Variants in CPNE5 observed in about 807,000 individuals in gnomAD.
CPNE5 encodes copine 5.
CPNE5 carries 42 observed loss-of-function variants against 81.1 expected under a neutral mutation model. That is an observed-to-expected ratio of 0.52 (90% CI 0.40 to 0.67). CPNE5 has a LOEUF of 0.67. Among genes scored for constraint, CPNE5 ranks in the 30% least tolerant of loss-of-function variants. The pLI, the probability that CPNE5 is intolerant of heterozygous loss-of-function variation, is 0.00. For synonymous variants in CPNE5, 313 were observed against 321.5 expected (o/e 0.97, Z 0.28); for missense variants, 612 against 815.5 (o/e 0.75, Z 3.04).
chr6:36,789,385 G>T (rs549483346), intron 8 of CPNE5, among the ~76,000 whole-genome samples: 1 of 152,184 alleles, frequency 6.6e-6, no homozygotes, highest in South Asian at 2.1e-4. Context: ...ACCAGTAACG[G>T]CCACCAGCAT....
intron 18 of CPNE5, chr6:36,744,608 G>T: frequency 1.9e-6 from 1 of 516,524 alleles, no homozygotes; most frequent in Non-Finnish European, 3.5e-6. Context: ...CTTACAGGGA[G>T]ACCACCGGCT....
rs1582662975 is a variant in CPNE5, at chr6:36,742,365, C to T, written c.1685G>A (p.Gly562Asp). ...TGCGGGTGGGGGACGCGGGCGAATGCCCTGTGCCTTCATGTAGGACACCAG... is the reference window on the plus strand; with the variant it reads ...TGCGGGTGGGGGACGCGGGCGAATGTCCTGTGCCTTCATGTAGGACACCAG... ...DQLVSYMKAQ[G>D]IRPRPPPAAP... The change falls in exon 21 of 21, where the codon GGC becomes GAC. Residue 562 changes from glycine (G) to aspartate (D), a missense_variant. By Grantham distance (94) the Gly-to-Asp change is moderately conservative. Transcript: ENST00000244751. The T allele has an allele frequency of 1.9e-6, 3 of 1,613,490 alleles. No homozygotes were observed. The highest frequency in any genetic ancestry group is 2.5e-6 in the Non-Finnish European group (3 of 1,179,962).
chr6:36,768,712 A>G (rs1766799489), intron 10 of CPNE5, among the ~76,000 whole-genome samples: 1 of 152,172 alleles, frequency 6.6e-6, no homozygotes. Flanking sequence ...GGGTGTGGGA[A>G]AATGAAATGG....
At chr6:36,819,281 G>A (rs934267246) in intron 3 of CPNE5, among the ~76,000 whole-genome samples, 2 of 152,186 alleles carry the variant, frequency 1.3e-5, no homozygotes, top group African/African-American at 2.4e-5. Flanking sequence ...TGTGTTTTTA[G>A]TAGAGATGGG....
At chr6:36,779,000 T>C (rs1767786143) in intron 8 of CPNE5, 43 bp from the exon 9 acceptor site, 2 of 1,364,518 alleles carry the variant, frequency 1.5e-6, no homozygotes, top group Non-Finnish European at 2.1e-6. Context: ...CAGGAGAAAG[T>C]GGAAGCACAG....
chr6:36,760,014 C>G (rs1765863158), intron 12 of CPNE5, among the ~76,000 whole-genome samples: 1 of 150,222 alleles, frequency 6.7e-6, no homozygotes, highest in Non-Finnish European at 1.5e-5. Context: ...GGAGGCCAGA[C>G]TGGGCAACAT....
Position 36,826,336 on chromosome 6 carries a change from G to A in CPNE5, c.96-3238C>T, listed in dbSNP as rs188997268. Among the ~76,000 whole-genome samples the A allele has an allele frequency of 3.3e-5, 5 of 152,172 alleles. No individual in the cohort carries two copies. The East Asian group carries it at 9.7e-4, about 29-fold the overall frequency. ...ACCTCAAGACCCTCACCGAATCCTGGGACAAGGGTCACCCTGGCAACCAGC... is the reference window on the plus strand; with the variant it reads ...ACCTCAAGACCCTCACCGAATCCTGAGACAAGGGTCACCCTGGCAACCAGC... On this transcript the variant is annotated intron_variant, in intron 1 of 20. Transcript: ENST00000244751.
chr6:36,789,186 T>A (rs1348593359), intron 8 of CPNE5, among the ~76,000 whole-genome samples: 1 of 152,124 alleles, frequency 6.6e-6, no homozygotes, highest in Non-Finnish European at 1.5e-5. Flanking sequence ...GCTGACAATC[T>A]CAGGAGGAAG....
intron 3 of CPNE5, among the ~76,000 whole-genome samples, chr6:36,810,847 G>T (rs1458210294): frequency 6.6e-6 from 1 of 152,318 alleles, no homozygotes; most frequent in Non-Finnish European, 1.5e-5. Context: ...TTTTGTTAAG[G>T]CTTCCAGGTA....
rs1763578939 is a variant in CPNE5 at position 36,741,400 on chromosome 6, A to G, written c.*868T>C. On this transcript the variant is annotated 3_prime_UTR_variant, in exon 21 of 21. Transcript: ENST00000244751. ...CCCAGGACTCCTGTCTCCTAGCCTC[A>G]TGGGATACAGGGCAAAGAGCAGGAG... 6.6e-6 allele frequency: 1 copy of G among 152,176 alleles called. No homozygotes were observed. The highest frequency in any genetic ancestry group is 2.1e-4 in the South Asian group (1 of 4,828). The allele number at this position is 152,176 out of a possible 1,614,324, so 9.4% of individuals were successfully genotyped here. A position where few individuals can be genotyped will look rare whatever the true frequency, so the allele number is the denominator to read the frequency against.
intron 4 of CPNE5, 83 bp from the exon 5 acceptor site, chr6:36,798,577 C>G (rs753509762): frequency 2.4e-6 from 3 of 1,255,246 alleles, no homozygotes; most frequent in Admixed American, 3.5e-5. Flanking sequence ...GAGTCAGGGC[C>G]CCTGTCCCCC....
chr6:36,793,043 G>A (rs1331593731), intron 7 of CPNE5, among the ~76,000 whole-genome samples: 7 of 152,102 alleles, frequency 4.6e-5, no homozygotes, highest in Admixed American at 2.6e-4. Context: ...GAGAAGGCCC[G>A]CAGTGAGCAG....
chr6:36,746,337 A>G lies in CPNE5; in HGVS notation c.1200+59T>C. Reference sequence around the variant, plus strand: ...GGAAGGGAAACGTCCCCCCACCCCCAGCTTGTCACCTCACCCCCAGCCTGA... The same window carrying G: ...GGAAGGGAAACGTCCCCCCACCCCCGGCTTGTCACCTCACCCCCAGCCTGA... On this transcript the variant is annotated intron_variant, in intron 16 of 20. Transcript: ENST00000244751. The surrounding 1 kb of genome is among the most constrained non-coding windows in gnomAD (Gnocchi z 4.5). The G allele has an allele frequency of 6.6e-6, 4 of 603,800 alleles. No homozygotes were observed. Among genetic ancestry groups the G allele is most frequent in the African/African-American group, 3.0e-5 (1 of 33,262 alleles). The allele number at this position is 603,800 out of a possible 1,614,324, so 37.4% of individuals were successfully genotyped here.
At position 36,746,667 on chromosome 6, in the gene CPNE5, C is replaced by T. The variant is rs76770150; in HGVS notation, c.1019-90G>A. On this transcript the variant is annotated intron_variant, in intron 15 of 20. Coordinates refer to ENST00000244751, the MANE Select transcript of CPNE5 (RefSeq NM_020939.2). This position sits in a 1 kb window ranked among gnomAD's most constrained non-coding sequence, Gnocchi z 4.5. ...GAAGAAGGGGGTGTCCAAGGGCACC[C>T]CTAACTTTTATTAATTCTTGACTCC... 109,995 of 1,175,886 alleles carry T rather than the reference C, an allele frequency of 0.094. 5,903 individuals are homozygous for T. Among genetic ancestry groups the T allele is most frequent in the Non-Finnish European group, 0.1 (85,983 of 829,120 alleles). The allele number at this position is 1,175,886 out of a possible 1,614,324, so 72.8% of individuals were successfully genotyped here. A position where few individuals can be genotyped will look rare whatever the true frequency, so the allele number is the denominator to read the frequency against.
chr6:36,752,561 A>G (rs1764965707), intron 14 of CPNE5: 1 of 152,896 alleles, frequency 6.5e-6, no homozygotes, highest in Non-Finnish European at 1.5e-5. Context: ...TCAGAGCTGT[A>G]AGGAACCTTA....
rs142817795 is a variant in CPNE5, at chr6:36,766,774, C to T, written c.738-1398G>A. Among the ~76,000 whole-genome samples the T allele has an allele frequency of 9.3e-4, 141 of 152,264 alleles. No homozygotes were observed. Among genetic ancestry groups the T allele is most frequent in the African/African-American group, 3.0e-3 (124 of 41,558 alleles). The stretch of plus-strand genomic sequence containing the variant: ...GCTGCAAGAACAAGCTAGTAAGGCC[C>T]GCCTGCTGCATGGGAGGGTCTCTAC... On this transcript the variant is annotated intron_variant, in intron 10 of 20. Coordinates refer to ENST00000244751, the MANE Select transcript of CPNE5 (RefSeq NM_020939.2). The surrounding 1 kb of genome is among the most constrained non-coding windows in gnomAD (Gnocchi z 4.2).
chr6:36,777,291 G>C (rs1437148712), intron 9 of CPNE5, among the ~76,000 whole-genome samples: 1 of 151,934 alleles, frequency 6.6e-6, no homozygotes, highest in Non-Finnish European at 1.5e-5. Context: ...ACAGCTCCAG[G>C]GTGGGAGCTG....
intron 3 of CPNE5, among the ~76,000 whole-genome samples, chr6:36,810,969 G>A (rs1246528623): frequency 6.6e-6 from 1 of 152,180 alleles, no homozygotes; most frequent in Non-Finnish European, 1.5e-5. Flanking sequence ...CCAGAGACCA[G>A]GGTCAGGGTA....
chr6:36,802,702 C>A (rs1437882075), intron 3 of CPNE5, among the ~76,000 whole-genome samples: 1 of 152,130 alleles, frequency 6.6e-6, no homozygotes, highest in Admixed American at 6.5e-5. Context: ...AGATGAGGCC[C>A]TGGGTTACCT....
Sources: allele counts gnomAD v4.1 joint callset (sites outside exome capture counted in the v4.1 genomes callset), GRCh38; gene constraint gnomAD v4.1.1; non-coding constraint Gnocchi (gnomAD v3.1); transcripts MANE v1.5; gene names NCBI Gene and HGNC (gene_info 2026-07-23, HGNC 2026-07-21).